ADGRE1: variants seen among roughly 807,000 people sequenced by gnomAD.
ADGRE1 encodes adhesion G protein-coupled receptor E1.
Under a neutral mutation model 102.7 loss-of-function variants are expected in ADGRE1, and 82 were observed. The ratio of observed to expected loss-of-function variants is 0.80; its 90% CI spans 0.67 to 0.96. The LOEUF (loss-of-function observed/expected upper bound fraction) is 0.96, where lower values mean the gene tolerates loss of function less well. Among genes scored for constraint, ADGRE1 ranks in the 40% least tolerant of loss-of-function variants. The pLI is 0.00. For missense variants in ADGRE1, 1,032 were observed against 1,085.3 expected, an observed-to-expected ratio of 0.95 and a Z score of 0.69; for synonymous variants, 398 against 399.6, an observed-to-expected ratio of 1.00 and a Z score of 0.05.
chr19:6,920,198 T>G (rs1467182901), intron 13 of ADGRE1, among the ~76,000 whole-genome samples: 1 of 151,634 alleles, frequency 6.6e-6, no homozygotes, highest in Non-Finnish European at 1.5e-5. Context: ...TTGATCTGAT[T>G]GGATCCTGGA....
chr19:6,905,140 C>G (rs889064353), intron 8 of ADGRE1, among the ~76,000 whole-genome samples: 1 of 151,976 alleles, frequency 6.6e-6, no homozygotes, highest in African/African-American at 2.4e-5. Flanking sequence ...GCCAGGAATT[C>G]AAGACCAGCC....
intron 8 of ADGRE1, among the ~76,000 whole-genome samples, chr19:6,904,925 T>C (rs1030262296): frequency 2.0e-5 from 3 of 152,120 alleles, no homozygotes; most frequent in African/African-American, 7.2e-5. Context: ...GAGATCATGC[T>C]GTTCTGGGTT....
chr19:6,936,093 G>A lies in ADGRE1; in HGVS notation c.2381+1015G>A, dbSNP rs528885724. On this transcript the variant is annotated intron_variant, in intron 18 of 20. Coordinates refer to ENST00000312053, the MANE Select transcript of ADGRE1 (RefSeq NM_001974.5). ...AACATTCTTTGCTTCTTTTTTCTTC[G>A]GTATCCAATCCCTTATCCATTTTAA... Among the ~76,000 whole-genome samples, 31 of 151,804 alleles carry A rather than the reference G, an allele frequency of 2.0e-4. 1 individual carries two copies. The South Asian group carries it at 6.1e-3, about 30-fold the overall frequency.
chr19:6,915,934 A>C (rs28445623), intron 11 of ADGRE1, among the ~76,000 whole-genome samples: 25,794 of 147,812 alleles, frequency 0.17, 2,635 homozygotes, highest in Middle Eastern at 0.25. Flanking sequence ...AAAAAAAAAA[A>C]AAAAAAAAAA....
chr19:6,896,168 C>T (rs1599713972), intron 2 of ADGRE1: 1 of 463,682 alleles, frequency 2.2e-6, no homozygotes, highest in Non-Finnish European at 3.9e-6. Flanking sequence ...TGTGGCCCAC[C>T]CTACTCCAGC....
intron 14 of ADGRE1, 147 bp downstream of exon 14, chr19:6,922,030 C>A (rs964159896): frequency 2.2e-6 from 2 of 916,024 alleles, no homozygotes; most frequent in Non-Finnish European, 3.2e-6. Context: ...GGTGATATGC[C>A]TTTGCCCCTG....
chr19:6,919,284 G>A (rs1974527750), intron 12 of ADGRE1, among the ~76,000 whole-genome samples: 1 of 151,470 alleles, frequency 6.6e-6, no homozygotes, highest in South Asian at 2.1e-4. Flanking sequence ...ACCCGCCTTG[G>A]TCTCCCAAAG....
chr19:6,928,424 G>A (rs1482601338), intron 17 of ADGRE1: 11 of 1,234,656 alleles, frequency 8.9e-6, no homozygotes, highest in Admixed American at 5.9e-5. Flanking sequence ...TCAGGAGTTC[G>A]AGAACAGTCT....
At chr19:6,933,666 C>A (rs180809570) in intron 17 of ADGRE1, among the ~76,000 whole-genome samples, 14 of 152,092 alleles carry the variant, frequency 9.2e-5, no homozygotes, top group Non-Finnish European at 1.0e-4. Context: ...GGATTACAGG[C>A]ATGAGCCACC....
chr19:6,924,942 C>T, intron 15 of ADGRE1, 70 bp downstream of exon 15: 1 of 1,514,558 alleles, frequency 6.6e-7, no homozygotes, highest in Non-Finnish European at 9.1e-7. Flanking sequence ...TCATTCCTAG[C>T]CAACTCCCTC....
rs777575576 is a variant in ADGRE1, at chr19:6,897,254, C to T, written c.344C>T (p.Pro115Leu). The change falls in exon 4 of 21, where the codon CCC (proline) becomes CTC (leucine). Residue 115 changes from proline to leucine, a missense_variant. Physicochemically the swap from Pro to Leu is moderately conservative, Grantham distance 98 (BLOSUM62 -3). Coordinates refer to ENST00000312053, the MANE Select transcript of ADGRE1 (RefSeq NM_001974.5). ...AGCTGTTTAGATGGTTTCTCTTCTCCCACTGGAAATGACTGGGTCCCAGGA... is the reference window on the plus strand; with the variant it reads ...AGCTGTTTAGATGGTTTCTCTTCTCTCACTGGAAATGACTGGGTCCCAGGA... ...KCSCLDGFSS[P>L]TGNDWVPGKP... 3 of 1,613,776 alleles carry T rather than the reference C, an allele frequency of 1.9e-6. No homozygotes were observed. Among genetic ancestry groups the T allele is most frequent in the Middle Eastern group, 1.7e-4 (1 of 6,060 alleles).
chr19:6,934,143 A>G (rs1012147458), intron 17 of ADGRE1, among the ~76,000 whole-genome samples: 2 of 152,236 alleles, frequency 1.3e-5, no homozygotes, highest in African/African-American at 4.8e-5. Context: ...TTATAGAGGA[A>G]AAAAAGAGAA....
Position 6,919,549 on chromosome 19 carries a change from G to A in ADGRE1, c.1422G>A (p.Glu474=), listed in dbSNP as rs755719253. The A allele has an allele frequency of 6.2e-7, 1 of 1,611,302 alleles. No individual in the cohort carries two copies. The highest frequency in any genetic ancestry group is 1.3e-5 in the African/African-American group (1 of 74,462). The change falls in exon 13 of 21, where the codon GAG becomes GAA. Residue 474 remains glutamate (E), a splice_region_variant and synonymous_variant. Transcript: ENST00000312053. ...TTTTTCATTTGGGGAAACCTGCAGA[G>A]ACCACTGGTGTGGCTTTTGTCTCCT... ...CSTIEESEST[E]TTGVAFVSFV... is the part of the protein sequence containing the mutation.
At chr19:6,893,017 A>T (rs1225722231) in intron 2 of ADGRE1, among the ~76,000 whole-genome samples, 1 of 151,926 alleles carries the variant, frequency 6.6e-6, no homozygotes, top group African/African-American at 2.4e-5. Context: ...GGTAATTGTC[A>T]TTCTGCTCTC....
chr19:6,916,390 T>C, intron 12 of ADGRE1, 22 bp downstream of exon 12: 1 of 1,607,818 alleles, frequency 6.2e-7, no homozygotes, highest in Non-Finnish European at 8.5e-7. Context: ...CTCCTGAGAA[T>C]GCAGGTTATG....
chr19:6,896,182 ACTTCATCTT>A, intron 2 of ADGRE1: 2 of 503,234 alleles, frequency 4.0e-6, no homozygotes, highest in Non-Finnish European at 7.1e-6. Flanking sequence ...CTCCAGCACT[ACTTCATCTT>A]AACTTTTATC....
chr19:6,932,531 G>A (rs936678182), intron 17 of ADGRE1, among the ~76,000 whole-genome samples: 1 of 152,084 alleles, frequency 6.6e-6, no homozygotes, highest in African/African-American at 2.4e-5. Flanking sequence ...GGTTCCTCCA[G>A]CATTTTTGGT....
At chr19:6,908,621 T>C in intron 9 of ADGRE1, 68 bp from the exon 10 acceptor site, 1 of 1,417,424 alleles carries the variant, frequency 7.1e-7, no homozygotes, top group African/African-American at 1.4e-5. Flanking sequence ...AATTTGTAGA[T>C]TACATGCTTG....
intron 12 of ADGRE1, among the ~76,000 whole-genome samples, chr19:6,918,474 A>G (rs1035168639): frequency 2.6e-5 from 4 of 152,054 alleles, no homozygotes; most frequent in Non-Finnish European, 4.4e-5. Flanking sequence ...GAATTGCTCA[A>G]TTTATGATGT....
Sources: gnomAD v4.1 joint callset for allele counts (sites outside exome capture counted in the v4.1 genomes callset) on GRCh38, gnomAD v4.1.1 for gene constraint, MANE v1.5 for transcripts, NCBI Gene and HGNC (gene_info 2026-07-23, HGNC 2026-07-21) for gene names.